ZBTB20: variants seen among roughly 807,000 people sequenced by gnomAD.
ZBTB20 encodes the protein zinc finger and BTB domain-containing protein 20.
In ZBTB20, 9 loss-of-function variants were observed where a neutral mutation model predicts 56.9. The observed-to-expected ratio is 0.16, with a 90% CI of 0.10 to 0.28. The LOEUF (loss-of-function observed/expected upper bound fraction) is 0.28, where lower values mean the gene tolerates loss of function less well. ZBTB20 is among the 10% of genes least tolerant of loss of function. The probability of loss-of-function intolerance (pLI) is 1.00; values close to 1 mark genes in which losing one functional copy is unlikely to be tolerated. For synonymous variants in ZBTB20, 417 were observed against 420.7 expected, an observed-to-expected ratio of 0.99 and a Z score of 0.11; for missense variants, 655 against 1,003.0, an observed-to-expected ratio of 0.65 and a Z score of 4.69.
intron 6 of ZBTB20, among the ~76,000 whole-genome samples, chr3:114,620,347 C>A (rs1037494229): frequency 1.3e-5 from 2 of 151,968 alleles, no homozygotes; most frequent in Admixed American, 6.6e-5. Flanking sequence ...GGCTGGAGTG[C>A]AATGGCACGA....
intron 2 of ZBTB20, among the ~76,000 whole-genome samples, chr3:115,061,841 A>G (rs1303607381): frequency 6.6e-6 from 1 of 152,226 alleles, no homozygotes; most frequent in Non-Finnish European, 1.5e-5. Context: ...TTATTTTATG[A>G]CAGAAATATT....
At chr3:114,539,347 T>C (rs541229584) in intron 6 of ZBTB20, among the ~76,000 whole-genome samples, 17 of 152,290 alleles carry the variant, frequency 1.1e-4, no homozygotes, top group East Asian at 3.9e-4. Flanking sequence ...TCACCCATTT[T>C]GTTATGTTGA....
At chr3:114,376,654 A>G (rs1270437662) in intron 10 of ZBTB20, among the ~76,000 whole-genome samples, 6 of 152,206 alleles carry the variant, frequency 3.9e-5, no homozygotes, top group Non-Finnish European at 8.8e-5. Context: ...CTACGGAGCT[A>G]AAGTTAAACC....
At chr3:114,829,241 T>G (rs1192091654) in intron 4 of ZBTB20, among the ~76,000 whole-genome samples, 1 of 151,910 alleles carries the variant, frequency 6.6e-6, no homozygotes, top group Non-Finnish European at 1.5e-5. Context: ...TAAATCACTC[T>G]ATGAAGAACT....
rs1164804884 is a variant in ZBTB20 at position 114,469,010 on chromosome 3, C to CAAA, written c.-255+31339_-255+31341dup. Among the ~76,000 whole-genome samples the CAAA allele has an allele frequency of 6.6e-3, 445 of 66,992 alleles. 6 individuals are homozygous for CAAA. The highest frequency in any genetic ancestry group is 0.016 in the African/African-American group (330 of 20,076). 43.9% of individuals were successfully genotyped at this position (66,992 alleles called of 152,430 possible). ...CAGATCTCCAATTTTTCAAGAGAAGCAAAAAAAAAAAAAAAAAAAAAAAAA... is the reference window on the plus strand; with the variant it reads ...CAGATCTCCAATTTTTCAAGAGAAGCAAAAAAAAAAAAAAAAAAAAAAAAAAAA... On this transcript the variant is annotated intron_variant, in intron 7 of 11. Coordinates refer to ENST00000675478, the MANE Select transcript of ZBTB20 (RefSeq NM_001348800.3).
At chr3:115,006,647 A>C (rs1157647552) in intron 2 of ZBTB20, among the ~76,000 whole-genome samples, 1 of 151,640 alleles carries the variant, frequency 6.6e-6, no homozygotes, top group Non-Finnish European at 1.5e-5. Context: ...CCGTAGCAAA[A>C]TGGAGCTGAA....
Position 114,339,015 on chromosome 3 carries a change from G to C in ZBTB20, c.2216C>G (p.Ser739Cys). 3.3e-6 allele frequency: 5 copies of C among 1,508,512 alleles called. No homozygotes were observed. The highest frequency in any genetic ancestry group is 4.4e-6 in the Non-Finnish European group (5 of 1,127,166). 93.4% of individuals were successfully genotyped at this position (1,508,512 alleles called of 1,614,324 possible). The stretch of plus-strand genomic sequence containing the variant: ...AGAGAAAGATACTACTTATCCGTCA[G>C]ACACATGCATCCTCATGTGGTCGTT... ...QFNDHMRMHV[S>C]DG Residue 739 changes from serine (S) to cysteine (C), a missense_variant, in exon 12 of 12, where the codon TCT (serine) becomes TGT (cysteine). Around this residue, in one of 10 missense-constraint regions of ZBTB20, gnomAD observed 89 missense variants for 79.7 expected, o/e 1.12. Transcript: ENST00000675478. The surrounding 1 kb of genome is among the most constrained non-coding windows in gnomAD (Gnocchi z 4.2).
chr3:114,659,637 G>A (rs78889361), intron 6 of ZBTB20, among the ~76,000 whole-genome samples: 6,820 of 152,138 alleles, frequency 0.045, 190 homozygotes, highest in Non-Finnish European at 0.067. Flanking sequence ...CTTGTTCTTT[G>A]CCCTCTGGCT....
At chr3:114,866,745 G>C (rs1452234042) in intron 4 of ZBTB20, among the ~76,000 whole-genome samples, 4 of 152,014 alleles carry the variant, frequency 2.6e-5, no homozygotes, top group Non-Finnish European at 4.4e-5. Flanking sequence ...GACTCAAACT[G>C]GAAACATCAG....
intron 3 of ZBTB20, among the ~76,000 whole-genome samples, chr3:114,949,049 C>T (rs260179): frequency 0.97 from 140,350 of 145,430 alleles, 68,874 homozygotes; most frequent in East Asian, 1. Context: ...ATGTTCACTA[C>T]TTAGTCATGC....
rs1479078948 is a variant in ZBTB20 at position 114,314,721 on chromosome 3, C to T, written c.*24284G>A. Reference sequence around the variant, plus strand: ...AAAATTTATTTTCGTATTTTTAAGGCGTAATACTTCCGTATAAAGTATATG... The same window carrying T: ...AAAATTTATTTTCGTATTTTTAAGGTGTAATACTTCCGTATAAAGTATATG... On this transcript the variant is annotated 3_prime_UTR_variant, in exon 12 of 12. Coordinates refer to ENST00000675478, the MANE Select transcript of ZBTB20 (RefSeq NM_001348800.3). The T allele has an allele frequency of 6.6e-6, 1 of 151,506 alleles. No homozygotes were observed. 9.4% of individuals were successfully genotyped at this position (151,506 alleles called of 1,614,324 possible). A position where few individuals can be genotyped will look rare whatever the true frequency, so the allele number is the denominator to read the frequency against.
chr3:114,586,470 C>T (rs182177356), intron 6 of ZBTB20, among the ~76,000 whole-genome samples: 18 of 151,118 alleles, frequency 1.2e-4, no homozygotes, highest in African/African-American at 3.9e-4. Flanking sequence ...TAAGGCCTGG[C>T]GATGTCACAC....
At chr3:115,028,406 CAT>C (rs912754684) in intron 2 of ZBTB20, among the ~76,000 whole-genome samples, 35 of 150,778 alleles carry the variant, frequency 2.3e-4, no homozygotes, top group African/African-American at 8.0e-4. Flanking sequence ...TAAAATATCT[CAT>C]TAACATTTTC....
intron 4 of ZBTB20, among the ~76,000 whole-genome samples, chr3:114,825,085 A>G (rs780089010): frequency 6.6e-5 from 10 of 151,922 alleles, no homozygotes; most frequent in Non-Finnish European, 1.0e-4. Flanking sequence ...CTCCTCTACC[A>G]TCTTTACTGA....
At chr3:115,051,578 G>A (rs1454591659) in intron 2 of ZBTB20, among the ~76,000 whole-genome samples, 1 of 152,166 alleles carries the variant, frequency 6.6e-6, no homozygotes, top group Admixed American at 6.6e-5. Context: ...CGTTGTTACA[G>A]TAATACCTTC....
chr3:114,410,907 T>C lies in ZBTB20; in HGVS notation c.-254-21802A>G, dbSNP rs148631280. 3.8e-3 allele frequency among the ~76,000 whole-genome samples: 583 copies of C among 151,974 alleles called. 4 individuals carry two copies. The highest frequency in any genetic ancestry group is 0.013 in the African/African-American group (547 of 41,466). On this transcript the variant is annotated intron_variant, in intron 7 of 11. Transcript: ENST00000675478. ...GGAAAATGGCTACTCCTGGGGTGCATAGGGAGACAACTGACTTAGTGGAGG... is the reference window on the plus strand; with the variant it reads ...GGAAAATGGCTACTCCTGGGGTGCACAGGGAGACAACTGACTTAGTGGAGG...
At chr3:114,403,469 A>G (rs1016322170) in intron 7 of ZBTB20, among the ~76,000 whole-genome samples, 1 of 152,106 alleles carries the variant, frequency 6.6e-6, no homozygotes, top group African/African-American at 2.4e-5. Context: ...GAGTGGGTAA[A>G]TGCGTAAATC....
At chr3:114,645,776 T>G (rs2059801828) in intron 6 of ZBTB20, among the ~76,000 whole-genome samples, 2 of 152,308 alleles carry the variant, frequency 1.3e-5, no homozygotes, top group East Asian at 3.9e-4. Flanking sequence ...CATTTGCCTT[T>G]ACCAGATATT....
intron 5 of ZBTB20, among the ~76,000 whole-genome samples, chr3:114,749,464 A>G (rs920704473): frequency 6.6e-6 from 1 of 152,020 alleles, no homozygotes; most frequent in Non-Finnish European, 1.5e-5. Context: ...GAGGCAAGAG[A>G]ATCACTTGAA....
Sources: allele counts gnomAD v4.1 joint callset (sites outside exome capture counted in the v4.1 genomes callset), GRCh38; gene constraint gnomAD v4.1.1; regional missense constraint gnomAD v4.1.1; non-coding constraint Gnocchi (gnomAD v3.1); transcripts MANE v1.5; gene names NCBI Gene and HGNC (gene_info 2026-07-23, HGNC 2026-07-21).